Variants in UBE3D observed in about 807,000 individuals in gnomAD.
UBE3D encodes ubiquitin protein ligase E3D.
UBE3D carries 48 observed loss-of-function variants against 49.6 expected under a neutral mutation model. The ratio of observed to expected loss-of-function variants is 0.97; its 90% confidence interval spans 0.77 to 1.23. The LOEUF (loss-of-function observed/expected upper bound fraction) is 1.23. Ranked by LOEUF, UBE3D falls within the 50% of genes most tolerant of loss-of-function variation. UBE3D has a pLI of 0.00. For missense variants in UBE3D, 452 were observed against 468.4 expected (o/e 0.96, Z 0.32); for synonymous variants, 189 against 174.2 (o/e 1.08, Z -0.67).
the UBE3D span, among the ~76,000 whole-genome samples, chr6:82,887,101 C>G: frequency 3.3e-5 from 5 of 151,720 alleles, no homozygotes; most frequent in South Asian, 6.3e-4. Flanking sequence ...GCCAGAAGTT[C>G]AAGACCAGCC....
chr6:82,882,836 T>C, the UBE3D span, among the ~76,000 whole-genome samples: 1 of 152,192 alleles, frequency 6.6e-6, no homozygotes, highest in Non-Finnish European at 1.5e-5. Context: ...TCACCCTAGT[T>C]TCCTTTCAGC....
At chr6:82,978,717 T>C (rs549743972) in intron 8 of UBE3D, among the ~76,000 whole-genome samples, 2 of 152,236 alleles carry the variant, frequency 1.3e-5, no homozygotes, top group Non-Finnish European at 2.9e-5. Context: ...TGAAAGACAC[T>C]GTTCAAACAA....
At chr6:82,983,412 C>A (rs752259557) in intron 8 of UBE3D, among the ~76,000 whole-genome samples, 1 of 152,074 alleles carries the variant, frequency 6.6e-6, no homozygotes, top group African/African-American at 2.4e-5. Context: ...GATCTACCCA[C>A]TTCTGGTTGG....
chr6:83,055,076 G>A (rs1021763783), intron 2 of UBE3D, among the ~76,000 whole-genome samples: 8 of 152,176 alleles, frequency 5.3e-5, no homozygotes, highest in Non-Finnish European at 2.9e-5. Flanking sequence ...TCCAAAAAGA[G>A]TCCAGTTTTC....
chr6:82,909,008 C>T (rs1772307505), intron 9 of UBE3D, among the ~76,000 whole-genome samples: 1 of 152,152 alleles, frequency 6.6e-6, no homozygotes, highest in Admixed American at 6.5e-5. Context: ...GGCCCCATGG[C>T]TCTGTGCTCA....
intron 9 of UBE3D, among the ~76,000 whole-genome samples, chr6:82,931,220 GA>G (rs1774123813): frequency 6.6e-6 from 1 of 152,244 alleles, no homozygotes; most frequent in Non-Finnish European, 1.5e-5. Context: ...TGATTCAGAG[GA>G]TATATGGAAG....
chr6:82,966,102 A>G (rs1048447903), intron 8 of UBE3D, among the ~76,000 whole-genome samples: 2 of 152,216 alleles, frequency 1.3e-5, no homozygotes, highest in African/African-American at 4.8e-5. Context: ...TTTGGACTAA[A>G]TAAGATCCAT....
chr6:82,891,442 C>T (rs1025687393), downstream of UBE3D, among the ~76,000 whole-genome samples: 6 of 152,176 alleles, frequency 3.9e-5, no homozygotes, highest in Non-Finnish European at 8.8e-5. Flanking sequence ...CATGGAAAGT[C>T]AGCATGATGT....
chr6:82,961,656 ACTT>A (rs2127780201), intron 8 of UBE3D, among the ~76,000 whole-genome samples: 1 of 152,336 alleles, frequency 6.6e-6, no homozygotes, highest in African/African-American at 2.4e-5. Context: ...GCTAATGCCT[ACTT>A]CTTCTGCAAG....
chr6:82,994,548 T>C lies in UBE3D; in HGVS notation c.1010+24425A>G, dbSNP rs188934819. 2.0e-5 allele frequency among the ~76,000 whole-genome samples: 3 copies of C among 152,212 alleles called. No homozygotes were observed. In the East Asian group the frequency reaches 5.8e-4, roughly 29 times the overall value. On this transcript the variant is annotated intron_variant, in intron 8 of 9. Transcript: ENST00000369747. ...CAGGCAAACAGAGGCAGGGGTATGA[T>C]TGCAATGACCAAGCTGGGTGGATTC...
intron 5 of UBE3D, among the ~76,000 whole-genome samples, chr6:83,024,932 G>A (rs1781352241): frequency 6.6e-6 from 1 of 152,174 alleles, no homozygotes; most frequent in Non-Finnish European, 1.5e-5. Context: ...TCAAGTGTGA[G>A]AATTGATTGA....
chr6:82,892,957 C>T lies in UBE3D; in HGVS notation c.*65G>A, dbSNP rs189681443. The T allele has an allele frequency of 7.6e-4, 1,204 of 1,590,036 alleles. No homozygotes were observed. The highest frequency in any genetic ancestry group is 2.7e-3 in the Middle Eastern group (16 of 6,000). ...TAATTGATGCCTCCTGAGCTGACTG[C>T]TGGCCTCGGTGTGCTCCTGCTTGAG... On this transcript the variant is annotated 3_prime_UTR_variant, in exon 10 of 10. Transcript: ENST00000369747.
At position 82,893,022 on chromosome 6, in the gene UBE3D, T is replaced by G. The variant is rs1451829647; in HGVS notation, c.1170A>C (p.Ter390TyrextTer47). The G allele has an allele frequency of 1.2e-6, 2 of 1,613,604 alleles. No homozygotes were observed. Among genetic ancestry groups the G allele is most frequent in the Non-Finnish European group, 1.7e-6 (2 of 1,179,850 alleles). ...GGAGGAGAATGCCCAGCTCTAATAG[T>G]TACATCTTCAAAAAGGCCACCTGGA... ...NSFQVAFLKM[*>Y] The change falls in exon 10 of 10, where the codon TAA (stop) becomes TAC (tyrosine). Residue 390 changes from the stop codon to tyrosine, a stop_lost. Transcript: ENST00000369747.
intron 8 of UBE3D, among the ~76,000 whole-genome samples, chr6:82,988,182 C>T (rs571049919): frequency 3.9e-5 from 6 of 152,270 alleles, no homozygotes; most frequent in South Asian, 2.1e-4. Context: ...ATTTCAGACA[C>T]GTTTCTTCTG....
At chr6:83,010,973 C>T (rs1190268538) in intron 8 of UBE3D, among the ~76,000 whole-genome samples, 1 of 152,130 alleles carries the variant, frequency 6.6e-6, no homozygotes, top group Admixed American at 6.5e-5. Flanking sequence ...TTAACCATCA[C>T]AAGTCGACCC....
At chr6:82,956,188 A>G (rs556228278) in intron 9 of UBE3D, among the ~76,000 whole-genome samples, 2 of 152,354 alleles carry the variant, frequency 1.3e-5, no homozygotes, top group East Asian at 1.9e-4. Flanking sequence ...CTTAGGATAC[A>G]TTAATAACCC....
chr6:82,899,724 C>A (rs1771590089), intron 9 of UBE3D, among the ~76,000 whole-genome samples: 1 of 152,176 alleles, frequency 6.6e-6, no homozygotes, highest in East Asian at 1.9e-4. Flanking sequence ...TACATGTGAA[C>A]TTCTCCTCAC....
At chr6:83,010,582 A>AT (rs141107703) in intron 8 of UBE3D, among the ~76,000 whole-genome samples, 16,490 of 152,224 alleles carry the variant, frequency 0.11, 1,029 homozygotes, top group Non-Finnish European at 0.15. Flanking sequence ...AATAGGACAG[A>AT]TATATACATA....
At chr6:83,041,140 T>G (rs1337950501) in intron 4 of UBE3D, among the ~76,000 whole-genome samples, 2 of 152,268 alleles carry the variant, frequency 1.3e-5, no homozygotes, top group African/African-American at 4.8e-5. Context: ...ATTGGTATTG[T>G]AATAGCAATG....
Sources: gnomAD v4.1 joint callset for allele counts (sites outside exome capture counted in the v4.1 genomes callset) on GRCh38, gnomAD v4.1.1 for gene constraint, MANE v1.5 for transcripts, NCBI Gene and HGNC (gene_info 2026-07-23, HGNC 2026-07-21) for gene names.